ROBO2: variants seen among roughly 807,000 people sequenced by gnomAD.
The protein encoded by ROBO2 is roundabout homolog 2.
ROBO2 carries 53 observed loss-of-function variants against 160.8 expected under a neutral mutation model. That is an observed-to-expected ratio of 0.33 (90% CI 0.26 to 0.41). The LOEUF is 0.41. ROBO2 is among the 10% of genes least tolerant of loss of function. ROBO2 has a pLI of 1.00. For missense variants in ROBO2, 1,577 were observed against 1,722.4 expected (o/e 0.92, Z 1.49); for synonymous variants, 664 against 611.7 (o/e 1.09, Z -1.26).
At chr3:77,307,889 C>T (rs879930592) in intron 2 of ROBO2, among the ~76,000 whole-genome samples, 4 of 151,674 alleles carry the variant, frequency 2.6e-5, no homozygotes, top group Admixed American at 6.6e-5. Context: ...ACCCATAAAG[C>T]GGTGGTTGCA....
chr3:76,702,804 C>T (rs1472188648), intron 2 of ROBO2, among the ~76,000 whole-genome samples: 2 of 151,970 alleles, frequency 1.3e-5, no homozygotes, highest in Admixed American at 6.6e-5. Context: ...AGTCAGACTC[C>T]AAGAAATGCT....
At chr3:77,167,903 C>G (rs74335844) in intron 2 of ROBO2, among the ~76,000 whole-genome samples, 1,687 of 152,226 alleles carry the variant, frequency 0.011, 16 homozygotes, top group Middle Eastern at 0.017. Context: ...GCCGCATTAA[C>G]TTTGTTGTTT....
intron 1 of ROBO2, among the ~76,000 whole-genome samples, chr3:77,072,297 A>T (rs2067508690): frequency 6.6e-6 from 1 of 152,182 alleles, no homozygotes; most frequent in African/African-American, 2.4e-5. Flanking sequence ...TACTTATTTC[A>T]TTATATATTA....
At chr3:77,521,917 T>A (rs2090635826) in intron 5 of ROBO2, among the ~76,000 whole-genome samples, 1 of 151,208 alleles carries the variant, frequency 6.6e-6, no homozygotes, top group African/African-American at 2.4e-5. Flanking sequence ...AACTGTGGTA[T>A]GTATGAGGAA....
chr3:76,297,540 T>G (rs1709134363), intron 2 of ROBO2, among the ~76,000 whole-genome samples: 1 of 152,130 alleles, frequency 6.6e-6, no homozygotes, highest in Non-Finnish European at 1.5e-5. Flanking sequence ...CAGTGTGTCA[T>G]TCTTTACATA....
intron 2 of ROBO2, among the ~76,000 whole-genome samples, chr3:76,157,727 A>T (rs2072463331): frequency 6.6e-6 from 1 of 152,140 alleles, no homozygotes. Flanking sequence ...AAAAGCAGTG[A>T]CATTGAACTT....
At chr3:76,810,022 A>C (rs2065038813) in intron 2 of ROBO2, among the ~76,000 whole-genome samples, 1 of 152,148 alleles carries the variant, frequency 6.6e-6, no homozygotes, top group African/African-American at 2.4e-5. Context: ...TGAATTGCCA[A>C]TTTATTTTGA....
chr3:76,228,990 G>A (rs909367007), intron 2 of ROBO2, among the ~76,000 whole-genome samples: 1 of 152,020 alleles, frequency 6.6e-6, no homozygotes, highest in Non-Finnish European at 1.5e-5. Flanking sequence ...CTGCACTCCA[G>A]CTTGGGCAAA....
chr3:77,185,691 T>C (rs1298216860), intron 2 of ROBO2, among the ~76,000 whole-genome samples: 1 of 151,860 alleles, frequency 6.6e-6, no homozygotes, highest in Non-Finnish European at 1.5e-5. Flanking sequence ...AGTGATTATA[T>C]GAAAAAGATA....
intron 2 of ROBO2, among the ~76,000 whole-genome samples, chr3:77,017,907 G>T (rs551077886): frequency 2.0e-4 from 31 of 152,058 alleles, no homozygotes; most frequent in Non-Finnish European, 4.3e-4. Flanking sequence ...CCTTGGCAAT[G>T]ACCTTGAACA....
In ROBO2 at chr3:76,781,205, T is replaced by C. The variant is rs1172462494; in HGVS notation, c.110-316809T>C. On this transcript the variant is annotated intron_variant, in intron 2 of 26. Coordinates refer to the ROBO2 transcript ENST00000487694. ...TAAATGGGAATGTTTTCTTATTTGT[T>C]TTTTAGACAGTTTGTTGTTAGTGTA... Among the ~76,000 whole-genome samples the C allele has an allele frequency of 2.0e-5, 3 of 150,768 alleles. No homozygotes were observed. The East Asian group carries it at 5.9e-4, about 29-fold the overall frequency.
rs565608420 is a variant in ROBO2, at chr3:76,322,300, A to G, written c.109+384698A>G. Among the ~76,000 whole-genome samples, 460 of 151,034 alleles carry G rather than the reference A, an allele frequency of 3.0e-3. 2 individuals carry two copies. Among genetic ancestry groups the G allele is most frequent in the African/African-American group, 0.011 (444 of 41,048 alleles). ...CCTGTATACAAATAGTTCATCTTTT[A>G]TAATTACTACATTTCACTGTGTGTA... On this transcript the variant is annotated intron_variant, in intron 2 of 26. Coordinates refer to the ROBO2 transcript ENST00000487694.
chr3:76,350,738 C>A (rs1207715620), intron 2 of ROBO2, among the ~76,000 whole-genome samples: 3 of 151,836 alleles, frequency 2.0e-5, no homozygotes, highest in Non-Finnish European at 4.4e-5. Flanking sequence ...GACTTACTGT[C>A]TACAGCCAAA....
chr3:76,701,561 G>T (rs751210203), intron 2 of ROBO2, among the ~76,000 whole-genome samples: 3 of 151,902 alleles, frequency 2.0e-5, no homozygotes, highest in Non-Finnish European at 4.4e-5. Flanking sequence ...TCTGTTCAAG[G>T]CTTGCTCTTG....
At chr3:75,911,412 C>A (rs572899752) in intron 1 of ROBO2, among the ~76,000 whole-genome samples, 1 of 152,196 alleles carries the variant, frequency 6.6e-6, no homozygotes, top group African/African-American at 2.4e-5. Flanking sequence ...ACTCAAAATT[C>A]TTTGTTAATG....
At chr3:76,369,997 A>G (rs1340715239) in intron 2 of ROBO2, among the ~76,000 whole-genome samples, 1 of 151,998 alleles carries the variant, frequency 6.6e-6, no homozygotes, top group African/African-American at 2.4e-5. Context: ...AACTGCAGAT[A>G]GACACTCATT....
intron 2 of ROBO2, among the ~76,000 whole-genome samples, chr3:77,439,744 C>T (rs1388418934): frequency 6.6e-6 from 1 of 152,006 alleles, no homozygotes; most frequent in Non-Finnish European, 1.5e-5. Context: ...CTGTTTTTTC[C>T]TACCCTCCCC....
chr3:76,077,278 T>C (rs2068673596), intron 2 of ROBO2, among the ~76,000 whole-genome samples: 1 of 152,200 alleles, frequency 6.6e-6, no homozygotes, highest in African/African-American at 2.4e-5. Flanking sequence ...AAAATCTTAA[T>C]GAGGCCGGGT....
chr3:76,763,688 G>A (rs929198695), intron 2 of ROBO2, among the ~76,000 whole-genome samples: 1 of 151,624 alleles, frequency 6.6e-6, no homozygotes, highest in African/African-American at 2.4e-5. Flanking sequence ...GAACCTCATT[G>A]TGCATTCATA....
Sources: allele counts gnomAD v4.1 joint callset (sites outside exome capture counted in the v4.1 genomes callset), GRCh38; gene constraint gnomAD v4.1.1; transcripts MANE v1.5; gene names NCBI Gene and HGNC (gene_info 2026-07-23, HGNC 2026-07-21).